The following LOXL4 variants were observed in gnomAD, a reference collection of about 807,000 sequenced individuals.
The protein encoded by LOXL4 is lysyl oxidase homolog 4.
LOXL4 carries 72 observed loss-of-function variants against 89.1 expected under a neutral mutation model. The observed-to-expected ratio is 0.81, with a 90% CI of 0.67 to 0.98. The LOEUF (loss-of-function observed/expected upper bound fraction) is 0.98. LOXL4 is among the 50% of genes least tolerant of loss of function. The probability of loss-of-function intolerance (pLI) is 0.00; values close to 1 mark genes in which losing one functional copy is unlikely to be tolerated. For missense variants in LOXL4, 984 were observed against 1,017.5 expected, an observed-to-expected ratio of 0.97 and a Z score of 0.45; for synonymous variants, 355 against 392.1, an observed-to-expected ratio of 0.91 and a Z score of 1.12.
chr10:98,251,017 A>G, intron 14 of LOXL4, 48 bp downstream of exon 14: 4 of 1,363,124 alleles, frequency 2.9e-6, no homozygotes, highest in Non-Finnish European at 4.2e-6. Context: ...ACAGTGTTCC[A>G]GCTCCCTGAG....
intron 12 of LOXL4, chr10:98,252,060 A>G (rs1590875355): frequency 6.2e-6 from 3 of 484,144 alleles, no homozygotes; most frequent in Non-Finnish European, 1.1e-5. Context: ...GGAAGCAGGC[A>G]ATGCTTGCCC....
At chr10:98,260,476 G>A (rs1051495886) in intron 4 of LOXL4, among the ~76,000 whole-genome samples, 2 of 141,372 alleles carry the variant, frequency 1.4e-5, no homozygotes, top group Non-Finnish European at 3.1e-5. Flanking sequence ...CCGGGGGCGG[G>A]GGGTGGGGGG....
At chr10:98,259,354 C>T in intron 5 of LOXL4, 37 bp downstream of exon 5, 2 of 1,609,612 alleles carry the variant, frequency 1.2e-6, no homozygotes, top group Non-Finnish European at 8.5e-7. Context: ...TCATGCCACA[C>T]CCCTTTGCCT....
In LOXL4 at chr10:98,256,786, G is replaced by A. The variant is rs1188354780; in HGVS notation, c.1422C>T (p.Ala474=). ...RQLGLGFAIH[A]YKETWFWSGT... The stretch of plus-strand genomic sequence containing the variant: ...AAACAACAGAGGGACCTACCTTGTA[G>A]GCATGGATGGCAAAACCCAGGCCGA... Residue 474 remains alanine, a synonymous_variant, in exon 9 of 15, where the codon GCC becomes GCT. Transcript: ENST00000260702. The A allele has an allele frequency of 2.5e-6, 4 of 1,614,012 alleles. No individual in the cohort carries two copies. Among genetic ancestry groups the A allele is most frequent in the Middle Eastern group, 1.6e-4 (1 of 6,084 alleles).
intron 1 of LOXL4, among the ~76,000 whole-genome samples, chr10:98,265,688 A>C (rs1858666475): frequency 1.4e-5 from 1 of 71,354 alleles, no homozygotes; most frequent in African/African-American, 4.9e-5. Flanking sequence ...GTGAGCCACT[A>C]CATCGGCCAA....
At chr10:98,253,877 GC>G in intron 10 of LOXL4, 81 bp from the exon 11 acceptor site, 1 of 1,573,774 alleles carries the variant, frequency 6.4e-7, no homozygotes, top group Non-Finnish European at 8.6e-7. Context: ...GGGCAAGCTT[GC>G]CCCCAGATTA....
At position 98,260,940 on chromosome 10, in the gene LOXL4, A is replaced by G. The variant is rs1858518633; in HGVS notation, c.644T>C (p.Val215Ala). 8 of 1,611,976 alleles carry G rather than the reference A, an allele frequency of 5.0e-6. No individual in the cohort carries two copies. The highest frequency in any genetic ancestry group is 1.3e-5 in the African/African-American group (1 of 74,976). The change falls in exon 4 of 15, where the codon GTC becomes GCC. Residue 215 changes from valine (V) to alanine (A), a missense_variant. Transcript: ENST00000260702. ...GMLGFPSEVP[V>A]DSHYYRKVWD... is the part of the protein sequence containing the mutation. ...CTCCTACCTGTAGTAGTGGCTGTCG[A>G]CAGGCACCTCGCTGGGGAAGCCCAG...
intron 1 of LOXL4, among the ~76,000 whole-genome samples, chr10:98,265,595 A>C (rs1013512712): frequency 2.0e-5 from 2 of 98,982 alleles, no homozygotes; most frequent in African/African-American, 7.3e-5. Flanking sequence ...TAGTAGAGAC[A>C]GGGTTTCACC....
intron 14 of LOXL4, among the ~76,000 whole-genome samples, chr10:98,249,811 CCT>C (rs1460326324): frequency 1.3e-5 from 2 of 152,204 alleles, no homozygotes; most frequent in Admixed American, 1.3e-4. Context: ...GTTCCTGGTT[CCT>C]CTCAATATCC....
rs78402300 is a variant in LOXL4, at chr10:98,262,708, C to A, written c.277+35G>T. 721 of 1,594,550 alleles carry A rather than the reference C, an allele frequency of 4.5e-4. 4 individuals are homozygous for A. The African/African-American group carries it at 8.7e-3, about 19-fold the overall frequency. ...CAGCCCAAGAAGACTGTTACCATCT[C>A]CTTGCCATCCCACTAGGTGGCACCA... On this transcript the variant is annotated intron_variant, in intron 2 of 14. Coordinates refer to ENST00000260702, the MANE Select transcript of LOXL4 (RefSeq NM_032211.7).
rs1409861461 is a variant in LOXL4 at position 98,248,961 on chromosome 10, G to C, written c.2231C>G (p.Ser744Cys). Reference sequence around the variant, plus strand: ...CCTGAGACGCTGTTCCTGCTCCAGGGAGAGTTCTGCATTGGCTGGGTATGA... The same window carrying C: ...CCTGAGACGCTGTTCCTGCTCCAGGCAGAGTTCTGCATTGGCTGGGTATGA... ...GNSYPANAELSLEQEQRLRNN... is the reference protein window; with the variant it reads ...GNSYPANAELCLEQEQRLRNN... The change falls in exon 15 of 15, where the codon TCC becomes TGC. Residue 744 changes from serine (S) to cysteine (C), a missense_variant. Physicochemically the swap from Ser to Cys is moderately radical, Grantham distance 112 (BLOSUM62 -1). Transcript: ENST00000260702. 1 of 1,614,042 alleles carries C rather than the reference G, an allele frequency of 6.2e-7. No homozygotes were observed. Among genetic ancestry groups the C allele is most frequent in the Middle Eastern group, 1.6e-4 (1 of 6,062 alleles).
In LOXL4 at chr10:98,252,374, C is replaced by T. The variant is rs755640664; in HGVS notation, c.1930G>A (p.Glu644Lys). Residue 644 changes from glutamate to lysine, a missense_variant, in exon 12 of 15, where the codon GAG (glutamate) becomes AAG (lysine). Glu to Lys is a moderately conservative substitution (Grantham distance 56). Transcript: ENST00000260702. ...ATACCTGTGGGGCAGTTTGTGTCCTCCAGACAGAAGCTGGCCTTGTGCCCC... is the reference window on the plus strand; with the variant it reads ...ATACCTGTGGGGCAGTTTGTGTCCTTCAGACAGAAGCTGGCCTTGTGCCCC... Reference protein sequence around the residue: ...AEGHKASFCLEDTNCPTGLQR... With the variant: ...AEGHKASFCLKDTNCPTGLQR... The T allele has an allele frequency of 2.1e-5, 34 of 1,613,972 alleles. No individual in the cohort carries two copies. The highest frequency in any genetic ancestry group is 2.8e-5 in the Non-Finnish European group (33 of 1,179,862).
In LOXL4 at chr10:98,256,807, G is replaced by C; in HGVS notation, c.1401C>G (p.Gly467=). 6.2e-7 allele frequency: 1 copy of C among 1,614,150 alleles called. No homozygotes were observed. Among genetic ancestry groups the C allele is most frequent in the Admixed American group, 1.7e-5 (1 of 60,026 alleles). ...TEAMVACRQL[G]LGFAIHAYKE... The stretch of plus-strand genomic sequence containing the variant: ...TGTAGGCATGGATGGCAAAACCCAG[G>C]CCGAGCTGTCGGCAGGCCACCATGG... The change falls in exon 9 of 15, where the codon GGC becomes GGG. Residue 467 remains glycine, a synonymous_variant. Transcript: ENST00000260702.
intron 11 of LOXL4, among the ~76,000 whole-genome samples, chr10:98,252,790 C>T (rs1858237519): frequency 6.6e-6 from 1 of 152,194 alleles, no homozygotes; most frequent in Admixed American, 6.5e-5. Context: ...GGCACCGGGT[C>T]TGTGAGCAGC....
In LOXL4 at chr10:98,256,964, T is replaced by C; in HGVS notation, c.1261-17A>G. 17 of 1,611,146 alleles carry C rather than the reference T, an allele frequency of 1.1e-5. No homozygotes were observed. Among genetic ancestry groups the C allele is most frequent in the Non-Finnish European group, 1.3e-5 (15 of 1,178,354 alleles). On this transcript the variant is annotated splice_polypyrimidine_tract_variant and intron_variant, in intron 8 of 14. Transcript: ENST00000260702. ...CAAGCGCACCTGCAATGGCGAGGGG[T>C]GTGTGAGGAGTGGGGTAGCCTTGCA... is the stretch of plus-strand genomic sequence containing the variant.
chr10:98,266,834 C>A (rs1442298676), intron 1 of LOXL4, among the ~76,000 whole-genome samples: 1 of 152,172 alleles, frequency 6.6e-6, no homozygotes. Flanking sequence ...TCCCACAAAG[C>A]CTTCCACAAA....
Position 98,260,923 on chromosome 10 carries a change from T to A in LOXL4, c.661A>T (p.Arg221Trp). The change falls in exon 4 of 15, where the codon AGG becomes TGG. Residue 221 changes from arginine (R) to tryptophan (W), a missense_variant and splice_region_variant. Physicochemically the swap from Arg to Trp is moderately radical, Grantham distance 101. Transcript: ENST00000260702. ...GGCCTACGCCAGCCGCCCTCCTACC[T>A]GTAGTAGTGGCTGTCGACAGGCACC... is the stretch of plus-strand genomic sequence containing the variant. ...SEVPVDSHYY[R>W]KVWDLKMRDP... 1 of 1,609,430 alleles carries A rather than the reference T, an allele frequency of 6.2e-7. No homozygotes were observed. Among genetic ancestry groups the A allele is most frequent in the Non-Finnish European group, 8.5e-7 (1 of 1,178,068 alleles).
chr10:98,256,139 T>A (rs147584747), intron 9 of LOXL4: 1 of 187,240 alleles, frequency 5.3e-6, no homozygotes, highest in African/African-American at 2.4e-5. Context: ...GCAGCCAGTG[T>A]GGGTGCAAGT....
chr10:98,255,015 T>G (rs1030513497), intron 10 of LOXL4, among the ~76,000 whole-genome samples: 7 of 152,192 alleles, frequency 4.6e-5, no homozygotes, highest in African/African-American at 1.7e-4. Flanking sequence ...GGCTGGGAGA[T>G]GTCAGAGATG....
Sources: gnomAD v4.1 joint callset for allele counts (sites outside exome capture counted in the v4.1 genomes callset) on GRCh38, gnomAD v4.1.1 for gene constraint, MANE v1.5 for transcripts, NCBI Gene and HGNC (gene_info 2026-07-23, HGNC 2026-07-21) for gene names.